Variants in GALNT13 observed in about 807,000 individuals in gnomAD.
The protein encoded by GALNT13 is UDP-GalNAc:polypeptide N-acetylgalactosaminyltransferase 13.
GALNT13 carries 28 observed loss-of-function variants against 64.2 expected under a neutral mutation model. The ratio of observed to expected loss-of-function variants is 0.44; its 90% confidence interval spans 0.32 to 0.60. The LOEUF (loss-of-function observed/expected upper bound fraction) is 0.60, where lower values mean the gene tolerates loss of function less well. Among genes scored for constraint, GALNT13 ranks in the 20% least tolerant of loss-of-function variants. The pLI is 0.05. For missense variants in GALNT13, 577 were observed against 669.8 expected (o/e 0.86, Z 1.53); for synonymous variants, 214 against 224.6 (o/e 0.95, Z 0.42).
At chr2:154,394,074 TC>T (rs1698938385) in intron 9 of GALNT13, among the ~76,000 whole-genome samples, 2 of 4,760 alleles carry the variant, frequency 4.2e-4, no homozygotes, top group African/African-American at 1.2e-3. Context: ...CGAGACTCCG[TC>T]TCAAAAAAAA....
At chr2:153,124,812 G>A in the GALNT13 span, among the ~76,000 whole-genome samples, 1 of 152,068 alleles carries the variant, frequency 6.6e-6, no homozygotes, top group Admixed American at 6.6e-5. Context: ...AGCTTGCTTT[G>A]TTTTAAATGT....
At chr2:153,766,314 GTTTGATTA>G in the GALNT13 span, among the ~76,000 whole-genome samples, 1 of 152,004 alleles carries the variant, frequency 6.6e-6, no homozygotes, top group African/African-American at 2.4e-5. Flanking sequence ...ATGTTTGATA[GTTTGATTA>G]TTATGTCCCA....
chr2:154,102,933 T>G (rs1702422908), intron 3 of GALNT13, among the ~76,000 whole-genome samples: 1 of 152,146 alleles, frequency 6.6e-6, no homozygotes, highest in Non-Finnish European at 1.5e-5. Flanking sequence ...TTTTATCTAA[T>G]ATAATAATAG....
intron 4 of GALNT13, among the ~76,000 whole-genome samples, chr2:154,187,117 T>C (rs952614853): frequency 4.1e-4 from 62 of 152,056 alleles, no homozygotes; most frequent in African/African-American, 1.4e-3. Flanking sequence ...TTCATGGTTA[T>C]ATGAGGAAAA....
At chr2:153,887,017 G>C (rs550789106) in intron 1 of GALNT13, among the ~76,000 whole-genome samples, 2 of 152,024 alleles carry the variant, frequency 1.3e-5, no homozygotes, top group East Asian at 3.9e-4. Flanking sequence ...CAGTTACATA[G>C]CCTGCATGGA....
chr2:153,907,027 G>T (rs1177017260), intron 2 of GALNT13, among the ~76,000 whole-genome samples: 1 of 151,990 alleles, frequency 6.6e-6, no homozygotes, highest in Non-Finnish European at 1.5e-5. Context: ...TGTGTTTTTT[G>T]GCTGCATAAA....
At chr2:153,535,482 T>A in the GALNT13 span, among the ~76,000 whole-genome samples, 3 of 151,802 alleles carry the variant, frequency 2.0e-5, no homozygotes, top group Non-Finnish European at 4.4e-5. Flanking sequence ...TTGAGAACGG[T>A]GAATAGGAGT....
At chr2:153,541,991 C>T in the GALNT13 span, among the ~76,000 whole-genome samples, 1 of 152,012 alleles carries the variant, frequency 6.6e-6, no homozygotes, top group Non-Finnish European at 1.5e-5. Context: ...TTTCTCTTGG[C>T]CCTGACAAGT....
intron 10 of GALNT13, among the ~76,000 whole-genome samples, chr2:154,402,359 C>CACT (rs1170908715): frequency 4.6e-5 from 7 of 152,150 alleles, no homozygotes; most frequent in Non-Finnish European, 1.5e-5. Flanking sequence ...GTGATACGAA[C>CACT]ACTACCAATG....
chr2:153,403,408 G>GGAGCCTACAGAGGCAGGC, the GALNT13 span, among the ~76,000 whole-genome samples: 1 of 152,136 alleles, frequency 6.6e-6, no homozygotes, highest in Admixed American at 6.5e-5. Flanking sequence ...CCCCAGAGGT[G>GGAGCCTACAGAGGCAGGC]GAGCCTACAG....
chr2:153,609,041 A>G, the GALNT13 span, among the ~76,000 whole-genome samples: 1 of 151,004 alleles, frequency 6.6e-6, no homozygotes, highest in African/African-American at 2.4e-5. Context: ...CTCAGCCTCC[A>G]GAGTAGCTGA....
chr2:154,110,378 CAG>C (rs1293098530), intron 3 of GALNT13, among the ~76,000 whole-genome samples: 10 of 50,036 alleles, frequency 2.0e-4, no homozygotes, highest in Admixed American at 5.5e-4. Flanking sequence ...GAGAGAGAGA[CAG>C]AGAGAGAGAG....
chr2:153,443,411 G>A, the GALNT13 span, among the ~76,000 whole-genome samples: 10 of 152,236 alleles, frequency 6.6e-5, no homozygotes, highest in Admixed American at 2.6e-4. Context: ...AGAAGAACCA[G>A]GTACCTCAGT....
chr2:154,113,908 C>A (rs1002619012), intron 3 of GALNT13, among the ~76,000 whole-genome samples: 4 of 152,200 alleles, frequency 2.6e-5, no homozygotes, highest in African/African-American at 9.6e-5. Flanking sequence ...AAATCAGTGT[C>A]TACATACCAG....
At chr2:153,577,106 C>T in the GALNT13 span, among the ~76,000 whole-genome samples, 5 of 151,900 alleles carry the variant, frequency 3.3e-5, no homozygotes, top group African/African-American at 9.7e-5. Flanking sequence ...AATGAATTGC[C>T]GTAGACCAAG....
chr2:153,285,556 G>T, the GALNT13 span, among the ~76,000 whole-genome samples: 1 of 152,158 alleles, frequency 6.6e-6, no homozygotes, highest in South Asian at 2.1e-4. Flanking sequence ...ATATTTACAC[G>T]ACAATATGTA....
intron 3 of GALNT13, among the ~76,000 whole-genome samples, chr2:154,020,850 T>G (rs1697413457): frequency 6.6e-6 from 1 of 152,184 alleles, no homozygotes; most frequent in Non-Finnish European, 1.5e-5. Context: ...CATTTAAGTC[T>G]TTAATCCATC....
At chr2:153,923,161 A>G (rs1223172119) in intron 2 of GALNT13, among the ~76,000 whole-genome samples, 1 of 152,122 alleles carries the variant, frequency 6.6e-6, no homozygotes. Flanking sequence ...CGGCCTCCCA[A>G]AGTGCTGGAA....
chr2:154,306,624 G>GGT (rs1056474813), intron 9 of GALNT13, among the ~76,000 whole-genome samples: 3 of 149,698 alleles, frequency 2.0e-5, no homozygotes, highest in Admixed American at 6.7e-5. Context: ...TTGGTGGGGG[G>GGT]GGGGTCAAGA....
Sources: allele counts gnomAD v4.1 joint callset (sites outside exome capture counted in the v4.1 genomes callset), GRCh38; gene constraint gnomAD v4.1.1; transcripts MANE v1.5; gene names NCBI Gene and HGNC (gene_info 2026-07-23, HGNC 2026-07-21).